COL11A1: variants seen among roughly 807,000 people sequenced by gnomAD.
COL11A1 encodes collagen type XI alpha 1 chain.
Under a neutral mutation model 265.2 loss-of-function variants are expected in COL11A1, and 74 were observed. The observed-to-expected ratio is 0.28, with a 90% CI of 0.23 to 0.34. COL11A1 has a LOEUF of 0.34. Ranked by LOEUF, COL11A1 falls within the 10% of genes least tolerant of loss-of-function variation. The pLI is 1.00. For missense variants in COL11A1, 2,165 were observed against 2,263.6 expected, an observed-to-expected ratio of 0.96 and a Z score of 0.88; for synonymous variants, 816 against 727.6, an observed-to-expected ratio of 1.12 and a Z score of -1.96.
At chr1:102,935,359 G>A (rs1187659178) in intron 44 of COL11A1, among the ~76,000 whole-genome samples, 1 of 152,108 alleles carries the variant, frequency 6.6e-6, no homozygotes, top group Non-Finnish European at 1.5e-5. Flanking sequence ...TTGTAATGTT[G>A]TGAATCTTCA....
At chr1:102,878,475 C>CATATATATAT (rs57574729) in intron 66 of COL11A1, among the ~76,000 whole-genome samples, 2,100 of 49,548 alleles carry the variant, frequency 0.042, 130 homozygotes, top group African/African-American at 0.062. Flanking sequence ...ATTGAATCCT[C>CATATATATAT]ATATATATAT....
chr1:103,061,547 G>A (rs902347868), intron 4 of COL11A1, among the ~76,000 whole-genome samples: 1 of 151,890 alleles, frequency 6.6e-6, no homozygotes, highest in African/African-American at 2.4e-5. Context: ...TCCAATAACT[G>A]CTCTCAAACC....
intron 2 of COL11A1, among the ~76,000 whole-genome samples, chr1:103,079,547 T>C (rs1672239108): frequency 6.6e-6 from 1 of 152,052 alleles, no homozygotes; most frequent in African/African-American, 2.4e-5. Flanking sequence ...AAGCATCTGT[T>C]ATATAAATAT....
intron 52 of COL11A1, 36 bp downstream of exon 52, chr1:102,914,316 T>C (rs748512756): frequency 3.3e-6 from 5 of 1,524,384 alleles, no homozygotes; most frequent in East Asian, 4.5e-5. Flanking sequence ...AAACATTCAC[T>C]CCAAAATAAT....
In COL11A1 at chr1:102,905,235, AG is replaced by A. The variant is rs1289673167; in HGVS notation, c.4087-6242del. On this transcript the variant is annotated intron_variant, in intron 54 of 66. Coordinates refer to ENST00000370096, the MANE Select transcript of COL11A1 (RefSeq NM_001854.4). ...CCAGGGACTGTTGTGGGGTGGGGGGAGGGGGGAGGGATAGCATTAGGAGATA... is the reference window on the plus strand; with the variant it reads ...CCAGGGACTGTTGTGGGGTGGGGGGAGGGGGAGGGATAGCATTAGGAGATA... Among the ~76,000 whole-genome samples, 6 of 82,576 alleles carry A rather than the reference AG, an allele frequency of 7.3e-5. No homozygotes were observed. The South Asian group carries it at 1.6e-3, about 22-fold the overall frequency. 54.2% of individuals were successfully genotyped at this position (82,576 alleles called of 152,430 possible).
At chr1:102,881,872 G>A (rs1650288821) in intron 64 of COL11A1, 107 bp from the exon 65 acceptor site, 4 of 848,236 alleles carry the variant, frequency 4.7e-6, no homozygotes, top group Non-Finnish European at 7.5e-6. Context: ...AAAATAAAGA[G>A]TGCTTAAAAT....
intron 5 of COL11A1, 140 bp from the exon 6 acceptor site, chr1:103,026,472 T>C: frequency 1.5e-6 from 1 of 680,744 alleles, no homozygotes; most frequent in Non-Finnish European, 2.7e-6. Context: ...ATTTTTGTAT[T>C]ACATAGAAGT....
At chr1:103,063,271 G>A (rs1670815747) in intron 4 of COL11A1, among the ~76,000 whole-genome samples, 1 of 151,820 alleles carries the variant, frequency 6.6e-6, no homozygotes, top group Non-Finnish European at 1.5e-5. Context: ...AATATTAAAG[G>A]TAAAGAACAA....
chr1:103,047,502 G>T (rs927077471), intron 4 of COL11A1, among the ~76,000 whole-genome samples: 6 of 152,088 alleles, frequency 3.9e-5, no homozygotes, highest in Non-Finnish European at 8.8e-5. Flanking sequence ...GGAGATTTTG[G>T]GCTGAGACGA....
intron 64 of COL11A1, among the ~76,000 whole-genome samples, chr1:102,882,663 C>T (rs955199641): frequency 3.9e-5 from 6 of 152,148 alleles, no homozygotes; most frequent in South Asian, 2.1e-4. Flanking sequence ...TAGTTATGCT[C>T]GTGAACAAAC....
chr1:103,076,942 A>G (rs1672019054), intron 3 of COL11A1, among the ~76,000 whole-genome samples: 1 of 152,106 alleles, frequency 6.6e-6, no homozygotes, highest in Admixed American at 6.6e-5. Context: ...CAGTGTGCTT[A>G]AATACCAATA....
chr1:103,108,437 C>T lies in COL11A1; in HGVS notation c.-259G>A, dbSNP rs1674891140. On this transcript the variant is annotated 5_prime_UTR_variant, in exon 1 of 67. Transcript: ENST00000370096. The stretch of plus-strand genomic sequence containing the variant: ...ACCCTCTGATCCTTCCTCTGCCGGG[C>T]CCTGCCTTCAGAATGAAGGCAGATG... The T allele has an allele frequency of 1.7e-6, 1 of 602,304 alleles. No homozygotes were observed. Among genetic ancestry groups the T allele is most frequent in the Non-Finnish European group, 2.9e-6 (1 of 339,430 alleles). 37.3% of individuals were successfully genotyped at this position (602,304 alleles called of 1,614,324 possible). A position where few individuals can be genotyped will look rare whatever the true frequency, so the allele number is the denominator to read the frequency against.
intron 23 of COL11A1, 61 bp from the exon 24 acceptor site, chr1:103,002,030 A>G: frequency 7.2e-7 from 1 of 1,391,772 alleles, no homozygotes; most frequent in South Asian, 1.2e-5. Flanking sequence ...TGCTTTTAAA[A>G]CAGCAAATTA....
intron 49 of COL11A1, among the ~76,000 whole-genome samples, chr1:102,918,827 A>G (rs998492567): frequency 5.9e-5 from 9 of 152,048 alleles, no homozygotes; most frequent in African/African-American, 2.2e-4. Flanking sequence ...ATGTGGAAGG[A>G]AGTTTCTCAG....
Position 103,018,710 on chromosome 1 carries a change from A to G in COL11A1, c.1350+108T>C. 6 of 893,910 alleles carry G rather than the reference A, an allele frequency of 6.7e-6. No homozygotes were observed. In the South Asian group the frequency reaches 9.6e-5, roughly 14 times the overall value. 55.4% of individuals were successfully genotyped at this position (893,910 alleles called of 1,614,324 possible). On this transcript the variant is annotated intron_variant, in intron 10 of 66. Coordinates refer to ENST00000370096, the MANE Select transcript of COL11A1 (RefSeq NM_001854.4). ...CTCCTCTGAACAAATGTTTTTCTCT[A>G]TAATTCAATATTCTAATTAGTCTAA...
chr1:102,881,898 CAAATT>C, intron 64 of COL11A1, 133 bp from the exon 65 acceptor site: 1 of 697,924 alleles, frequency 1.4e-6, no homozygotes, highest in African/African-American at 1.8e-5. Flanking sequence ...TAAAATGACA[CAAATT>C]AGATTATACA....
intron 49 of COL11A1, among the ~76,000 whole-genome samples, chr1:102,918,090 C>A (rs1382745925): frequency 6.6e-6 from 1 of 151,202 alleles, no homozygotes. Context: ...TTTCTAATAC[C>A]AAAATGCTAC....
At chr1:103,016,331 T>C (rs1307612223) in intron 11 of COL11A1, among the ~76,000 whole-genome samples, 1 of 151,994 alleles carries the variant, frequency 6.6e-6, no homozygotes, top group Non-Finnish European at 1.5e-5. Flanking sequence ...GTTTACTGAT[T>C]AAATATACTC....
chr1:103,095,682 T>G (rs1213750421), intron 1 of COL11A1, among the ~76,000 whole-genome samples: 1 of 152,040 alleles, frequency 6.6e-6, no homozygotes, highest in African/African-American at 2.4e-5. Context: ...CTCTCTTTCC[T>G]GCTCAGGTCC....
Sources: gnomAD v4.1 joint callset for allele counts (sites outside exome capture counted in the v4.1 genomes callset) on GRCh38, gnomAD v4.1.1 for gene constraint, MANE v1.5 for transcripts, NCBI Gene and HGNC (gene_info 2026-07-23, HGNC 2026-07-21) for gene names.